HS3ST4: variants seen among roughly 807,000 people sequenced by gnomAD.
HS3ST4 encodes heparan sulfate glucosamine 3-O-sulfotransferase 4.
A neutral mutation model predicts 29.2 loss-of-function variants in HS3ST4; 17 were observed. The observed-to-expected ratio is 0.58, with a 90% CI of 0.40 to 0.87. The LOEUF is 0.87. HS3ST4 is among the 40% of genes least tolerant of loss of function. The pLI is 0.00. For missense variants in HS3ST4, 627 were observed against 634.5 expected (o/e 0.99, Z 0.13); for synonymous variants, 314 against 285.7 (o/e 1.10, Z -1.00).
rs575018544 is a variant in HS3ST4 at position 25,846,518 on chromosome 16, T to C, written c.734+153367T>C. ...CACTACACTCCAGCCTGGGCAACAA[T>C]GTGAGACCCCATCTCTTAAAAAAAA... On this transcript the variant is annotated intron_variant, in intron 1 of 1. Transcript: ENST00000331351. Among the ~76,000 whole-genome samples, 74 of 150,206 alleles carry C rather than the reference T, an allele frequency of 4.9e-4. 1 individual carries two copies. The highest frequency in any genetic ancestry group is 1.7e-3 in the African/African-American group (68 of 40,924).
chr16:25,881,030 A>T (rs1967889523), intron 1 of HS3ST4, among the ~76,000 whole-genome samples: 1 of 152,210 alleles, frequency 6.6e-6, no homozygotes, highest in Non-Finnish European at 1.5e-5. Flanking sequence ...AAATGAGAAG[A>T]GCCAGCTGGC....
chr16:25,996,376 A>C (rs1232938405), intron 1 of HS3ST4, among the ~76,000 whole-genome samples: 1 of 152,216 alleles, frequency 6.6e-6, no homozygotes, highest in African/African-American at 2.4e-5. Context: ...ACAAATGCAT[A>C]TAATTTTAAA....
At chr16:25,867,766 A>T (rs1453672468) in intron 1 of HS3ST4, among the ~76,000 whole-genome samples, 1 of 152,178 alleles carries the variant, frequency 6.6e-6, no homozygotes, top group African/African-American at 2.4e-5. Flanking sequence ...TATAGTCAAG[A>T]GTTACTAAAT....
At chr16:25,879,908 G>A (rs998456243) in intron 1 of HS3ST4, among the ~76,000 whole-genome samples, 20 of 152,096 alleles carry the variant, frequency 1.3e-4, no homozygotes, top group African/African-American at 4.3e-4. Flanking sequence ...CTTGTGCAGC[G>A]AAACTCCCAT....
chr16:25,752,270 G>A (rs1438127887), intron 1 of HS3ST4, among the ~76,000 whole-genome samples: 3 of 152,082 alleles, frequency 2.0e-5, no homozygotes, highest in Non-Finnish European at 4.4e-5. Context: ...CCAACTGAAT[G>A]GGCCAATTGA....
intron 1 of HS3ST4, among the ~76,000 whole-genome samples, chr16:26,021,124 A>G (rs1969408758): frequency 1.3e-5 from 2 of 152,242 alleles, no homozygotes; most frequent in African/African-American, 4.8e-5. Flanking sequence ...GCAAACACAT[A>G]CATGGTGAAT....
intron 1 of HS3ST4, among the ~76,000 whole-genome samples, chr16:26,120,938 T>C (rs907260138): frequency 1.3e-5 from 2 of 152,234 alleles, no homozygotes; most frequent in South Asian, 4.1e-4. Context: ...TCATGTGTAA[T>C]AGCGACAATA....
intron 1 of HS3ST4, among the ~76,000 whole-genome samples, chr16:26,042,033 A>G (rs923760981): frequency 2.6e-5 from 4 of 152,182 alleles, no homozygotes. Context: ...ACTGATGCAT[A>G]ATTGTTCCTG....
At chr16:26,032,371 T>G (rs1309066260) in intron 1 of HS3ST4, among the ~76,000 whole-genome samples, 1 of 151,692 alleles carries the variant, frequency 6.6e-6, no homozygotes, top group Non-Finnish European at 1.5e-5. Flanking sequence ...TAGTGACATA[T>G]GCCCCTTCCC....
chr16:25,937,827 A>G (rs569590232), intron 1 of HS3ST4, among the ~76,000 whole-genome samples: 4 of 152,168 alleles, frequency 2.6e-5, no homozygotes, highest in South Asian at 2.1e-4. Context: ...GTTGGTAAGT[A>G]TATCTGTTTT....
chr16:25,860,916 C>T (rs1032579966), intron 1 of HS3ST4, among the ~76,000 whole-genome samples: 2 of 152,134 alleles, frequency 1.3e-5, no homozygotes, highest in African/African-American at 4.8e-5. Flanking sequence ...ATAATAAATG[C>T]ACCATGCTGC....
At chr16:26,061,986 A>C (rs1245166060) in intron 1 of HS3ST4, among the ~76,000 whole-genome samples, 1 of 152,210 alleles carries the variant, frequency 6.6e-6, no homozygotes, top group African/African-American at 2.4e-5. Context: ...CTCATCCTGA[A>C]ATGAATCATT....
chr16:25,841,634 T>G (rs1469986989), intron 1 of HS3ST4, among the ~76,000 whole-genome samples: 1 of 152,162 alleles, frequency 6.6e-6, no homozygotes, highest in Non-Finnish European at 1.5e-5. Context: ...TCTAATATTT[T>G]ATTCCTTCAG....
At chr16:25,913,944 T>G (rs1263476942) in intron 1 of HS3ST4, among the ~76,000 whole-genome samples, 3 of 145,930 alleles carry the variant, frequency 2.1e-5, no homozygotes, top group Non-Finnish European at 3.0e-5. Context: ...TGTGTGTGTG[T>G]GGTGTGTGTG....
chr16:26,052,379 A>C (rs1898358105), intron 1 of HS3ST4, among the ~76,000 whole-genome samples: 1 of 151,992 alleles, frequency 6.6e-6, no homozygotes, highest in South Asian at 2.1e-4. Flanking sequence ...AATTATTATT[A>C]TTTTCTTTTG....
At chr16:25,707,930 G>C (rs532508944) in intron 1 of HS3ST4, among the ~76,000 whole-genome samples, 2 of 152,172 alleles carry the variant, frequency 1.3e-5, no homozygotes, top group African/African-American at 4.8e-5. Context: ...CCTGCTAGTG[G>C]TAAGAGCATC....
chr16:25,818,722 G>A (rs1967119452), intron 1 of HS3ST4, among the ~76,000 whole-genome samples: 1 of 152,130 alleles, frequency 6.6e-6, no homozygotes, highest in South Asian at 2.1e-4. Context: ...AACTACCTGG[G>A]CGTCTACATT....
rs535344871 is a variant in HS3ST4 at position 25,877,707 on chromosome 16, T to C, written c.734+184556T>C. ...GCCCCCAGAGCTATGAGATAAGAAA[T>C]GTCTATTGTTTTAAGCCACCCAGTT... On this transcript the variant is annotated intron_variant, in intron 1 of 1. Coordinates refer to ENST00000331351, the MANE Select transcript of HS3ST4 (RefSeq NM_006040.3). Among the ~76,000 whole-genome samples the C allele has an allele frequency of 9.6e-5, 14 of 146,410 alleles. No homozygotes were observed. In the South Asian group the frequency reaches 3.1e-3, roughly 32 times the overall value.
intron 1 of HS3ST4, among the ~76,000 whole-genome samples, chr16:25,758,379 CT>C (rs1368987888): frequency 1.3e-5 from 2 of 152,188 alleles, no homozygotes; most frequent in African/African-American, 4.8e-5. Flanking sequence ...ATTGCCATAG[CT>C]TTGTAGTTTT....
Sources: allele counts gnomAD v4.1 joint callset (sites outside exome capture counted in the v4.1 genomes callset), GRCh38; gene constraint gnomAD v4.1.1; transcripts MANE v1.5; gene names NCBI Gene and HGNC (gene_info 2026-07-23, HGNC 2026-07-21).